The following CAPN5 variants were observed in gnomAD, a reference collection of about 807,000 sequenced individuals.
CAPN5 encodes the protein calpain 5.
Under a neutral mutation model 73.0 loss-of-function variants are expected in CAPN5, and 54 were observed. The observed-to-expected ratio is 0.74, with a 90% CI of 0.59 to 0.93. The LOEUF (loss-of-function observed/expected upper bound fraction) is 0.93, where lower values mean the gene tolerates loss of function less well. Ranked by LOEUF, CAPN5 falls within the 40% of genes least tolerant of loss-of-function variation. CAPN5 has a pLI of 0.00. For synonymous variants in CAPN5, 335 were observed against 356.9 expected (o/e 0.94, Z 0.69); for missense variants, 785 against 882.9 (o/e 0.89, Z 1.41).
rs144678587 is a variant in CAPN5 at position 77,076,090 on chromosome 11, A to G, written c.-35-8762A>G. Among the ~76,000 whole-genome samples the G allele has an allele frequency of 5.3e-3, 812 of 152,322 alleles. 5 individuals carry two copies. The highest frequency in any genetic ancestry group is 9.1e-3 in the Non-Finnish European group (622 of 68,030). ...TCAAAATCTACTCTCGGCCGGGCGC[A>G]GTAGCTCATGCCTGGAATCCCAGCA... On this transcript the variant is annotated intron_variant, in intron 1 of 12. Coordinates refer to ENST00000648180, the MANE Select transcript of CAPN5 (RefSeq NM_004055.5).
intron 3 of CAPN5, among the ~76,000 whole-genome samples, chr11:77,108,283 A>G (rs1392073028): frequency 3.3e-5 from 5 of 152,168 alleles, no homozygotes; most frequent in African/African-American, 1.2e-4. Context: ...CAGGGAAAAG[A>G]GAGCCATGCT....
At position 77,084,937 on chromosome 11, in the gene CAPN5, G is replaced by A. The variant is rs145287641; in HGVS notation, c.51G>A (p.Arg17=). 2.3e-5 allele frequency: 37 copies of A among 1,613,852 alleles called. No homozygotes were observed. The highest frequency in any genetic ancestry group is 4.5e-5 in the East Asian group (2 of 44,892). ...PYEDQNYSAL[R]RDCRRRKVLF... is the part of the protein sequence containing the mutation. The stretch of plus-strand genomic sequence containing the variant: ...AGGACCAGAACTACTCAGCCCTGAG[G>A]CGGGACTGCCGGCGCAGGAAGGTGC... The change falls in exon 2 of 13, where the codon AGG becomes AGA. Residue 17 remains arginine, a synonymous_variant. Coordinates refer to ENST00000648180, the MANE Select transcript of CAPN5 (RefSeq NM_004055.5).
rs536166524 is a variant in CAPN5, at chr11:77,119,200, T to C, written c.1290+48T>C. On this transcript the variant is annotated intron_variant, in intron 9 of 12. Coordinates refer to ENST00000648180, the MANE Select transcript of CAPN5 (RefSeq NM_004055.5). ...CCGTGGGTGGGGAGAGGGAGGGAGC[T>C]GGAGTTTGGACTGCCCATGCCTGAG... 42 of 1,568,370 alleles carry C rather than the reference T, an allele frequency of 2.7e-5. No individual in the cohort carries two copies. The East Asian group carries it at 7.8e-4, about 29-fold the overall frequency.
At chr11:77,095,338 C>A (rs574954485) in intron 3 of CAPN5, among the ~76,000 whole-genome samples, 24 of 152,274 alleles carry the variant, frequency 1.6e-4, no homozygotes, top group South Asian at 8.3e-4. Context: ...AGCCCACCCC[C>A]CCACTAGATG....
intron 2 of CAPN5, among the ~76,000 whole-genome samples, chr11:77,090,849 G>A (rs1565262733): frequency 6.6e-6 from 1 of 152,200 alleles, no homozygotes; most frequent in Non-Finnish European, 1.5e-5. Context: ...TGTGGGGTGT[G>A]GTCCAGGGCT....
At chr11:77,081,032 G>A (rs1435887023) in intron 1 of CAPN5, among the ~76,000 whole-genome samples, 9 of 152,206 alleles carry the variant, frequency 5.9e-5, no homozygotes, top group Admixed American at 5.9e-4. Flanking sequence ...CGCTGCCCTG[G>A]CCACAGGAGG....
intron 1 of CAPN5, among the ~76,000 whole-genome samples, chr11:77,079,408 G>T (rs546685714): frequency 2.6e-5 from 4 of 152,132 alleles, no homozygotes; most frequent in African/African-American, 7.2e-5. Context: ...ATGTAATATT[G>T]CTTCTTTTGC....
At chr11:77,105,923 G>A (rs1950341812) in intron 3 of CAPN5, among the ~76,000 whole-genome samples, 1 of 152,198 alleles carries the variant, frequency 6.6e-6, no homozygotes, top group Non-Finnish European at 1.5e-5. Context: ...AGAGGGCGTG[G>A]AGGGGCTGGA....
At chr11:77,098,436 C>T (rs1359351207) in intron 3 of CAPN5, among the ~76,000 whole-genome samples, 47 of 99,788 alleles carry the variant, frequency 4.7e-4, no homozygotes, top group African/African-American at 8.7e-4. Context: ...CTCCTCACTT[C>T]CCAGTAGGGG....
intron 1 of CAPN5, among the ~76,000 whole-genome samples, chr11:77,067,962 T>A (rs1555032424): frequency 6.6e-6 from 1 of 151,932 alleles, no homozygotes; most frequent in East Asian, 1.9e-4. Flanking sequence ...TCCGCCTGGC[T>A]CTCATCCCAG....
At chr11:77,117,411 C>T (rs372878153) in intron 7 of CAPN5, among the ~76,000 whole-genome samples, 4 of 152,114 alleles carry the variant, frequency 2.6e-5, no homozygotes, top group Non-Finnish European at 4.4e-5. Flanking sequence ...TCTGTCAGGG[C>T]CCCCAGGCAG....
At chr11:77,120,981 G>A in intron 10 of CAPN5, 72 bp downstream of exon 10, 2 of 1,429,400 alleles carry the variant, frequency 1.4e-6, no homozygotes, top group Non-Finnish European at 1.9e-6. Context: ...GGAACCTGCA[G>A]CCTCAGAGAT....
At chr11:77,091,420 T>A (rs1950148012) in intron 2 of CAPN5, among the ~76,000 whole-genome samples, 1 of 152,218 alleles carries the variant, frequency 6.6e-6, no homozygotes, top group Admixed American at 6.5e-5. Flanking sequence ...GGCAGAGGGC[T>A]GCTGCCATCT....
intron 9 of CAPN5, chr11:77,120,445 C>A: frequency 2.5e-6 from 1 of 397,490 alleles, no homozygotes; most frequent in Non-Finnish European, 4.5e-6. Flanking sequence ...AGAGTTTATG[C>A]AACCATCACC....
chr11:77,071,398 G>A (rs1949905149), intron 1 of CAPN5, among the ~76,000 whole-genome samples: 1 of 152,222 alleles, frequency 6.6e-6, no homozygotes, highest in African/African-American at 2.4e-5. Flanking sequence ...GCCTTTCAGG[G>A]TGGAGTGCAG....
At position 77,122,718 on chromosome 11, in the gene CAPN5, C is replaced by T; in HGVS notation, c.1740+6C>T. The T allele has an allele frequency of 1.2e-6, 2 of 1,612,434 alleles. No individual in the cohort carries two copies. The highest frequency in any genetic ancestry group is 1.7e-5 in the Admixed American group (1 of 60,012). The stretch of plus-strand genomic sequence containing the variant: ...GCCAGCCCATCACTGTACAGGTGAG[C>T]CCCCTGGTCCAGAGGCCACCTCCTG... On this transcript the variant is annotated splice_donor_region_variant and intron_variant, in intron 12 of 12. Coordinates refer to ENST00000648180, the MANE Select transcript of CAPN5 (RefSeq NM_004055.5).
Position 77,114,354 on chromosome 11 carries a change from G to A in CAPN5, c.619G>A (p.Asp207Asn), listed in dbSNP as rs367724731. The A allele has an allele frequency of 4.3e-6, 7 of 1,614,210 alleles. No homozygotes were observed. In the Admixed American group the frequency reaches 6.7e-5, roughly 15 times the overall value. Residue 207 changes from aspartate to asparagine, a missense_variant, in exon 5 of 13, where the codon GAT becomes AAT. Asp to Asn is a conservative substitution (Grantham distance 23, BLOSUM62 1). Coordinates refer to ENST00000648180, the MANE Select transcript of CAPN5 (RefSeq NM_004055.5). ...IDLTEGDFANDETKRNQLFER... is the reference protein window; with the variant it reads ...IDLTEGDFANNETKRNQLFER... ...CCTGACCGAGGGTGACTTTGCCAAC[G>A]ATGAGACTAAGAGGAACCAGCTCTT...
chr11:77,109,736 C>T (rs555184973), intron 3 of CAPN5, among the ~76,000 whole-genome samples: 14 of 152,298 alleles, frequency 9.2e-5, no homozygotes, highest in East Asian at 7.7e-4. Flanking sequence ...GGGCCCACCC[C>T]GTGCCAGGTG....
chr11:77,122,114 G>A, intron 11 of CAPN5, 65 bp downstream of exon 11: 2 of 935,486 alleles, frequency 2.1e-6, no homozygotes, highest in Non-Finnish European at 3.1e-6. Flanking sequence ...CTCTCCACCA[G>A]CACGGATACC....
Sources: gnomAD v4.1 joint callset for allele counts (sites outside exome capture counted in the v4.1 genomes callset) on GRCh38, gnomAD v4.1.1 for gene constraint, MANE v1.5 for transcripts, NCBI Gene and HGNC (gene_info 2026-07-23, HGNC 2026-07-21) for gene names.